EREG: variants seen among roughly 807,000 people sequenced by gnomAD.
The protein encoded by EREG is epiregulin.
EREG carries 23 observed loss-of-function variants against 22.4 expected under a neutral mutation model. That is an observed-to-expected ratio of 1.03 (90% CI 0.74 to 1.46). The LOEUF (loss-of-function observed/expected upper bound fraction) is 1.46, where lower values mean the gene tolerates loss of function less well. Among genes scored for constraint, EREG ranks in the 40% most tolerant of loss-of-function variants. The pLI, the probability that EREG is intolerant of heterozygous loss-of-function variation, is 0.00. For synonymous variants in EREG, 100 were observed against 75.4 expected (o/e 1.33, Z -1.69); for missense variants, 226 against 205.9 (o/e 1.10, Z -0.60).
At chr4:74,382,059 C>T (rs1289495065) in intron 3 of EREG, 1 of 147,504 alleles carries the variant, frequency 6.8e-6, no homozygotes, top group African/African-American at 2.5e-5. Context: ...AACCCCAGCA[C>T]TTTGGGAGGC....
chr4:74,380,204 C>T (rs1309543213), intron 2 of EREG, among the ~76,000 whole-genome samples: 1 of 151,868 alleles, frequency 6.6e-6, no homozygotes, highest in East Asian at 1.9e-4. Context: ...TTGTCCCTCA[C>T]CATCAGGTTC....
At chr4:74,366,194 A>C (rs774039095) in intron 1 of EREG, among the ~76,000 whole-genome samples, 11 of 152,116 alleles carry the variant, frequency 7.2e-5, no homozygotes, top group Non-Finnish European at 1.3e-4. Context: ...CTTCTTTCCA[A>C]TTCCTTAAAC....
intron 1 of EREG, among the ~76,000 whole-genome samples, chr4:74,367,638 A>G (rs531127192): frequency 3.7e-4 from 56 of 152,288 alleles, no homozygotes; most frequent in African/African-American, 1.3e-3. Flanking sequence ...TTTTGAAAAT[A>G]TGAGGAGCAT....
In EREG at chr4:74,382,724, G is replaced by C. The variant is rs1488749008; in HGVS notation, c.358G>C (p.Ala120Pro). The C allele has an allele frequency of 1.9e-6, 3 of 1,613,734 alleles. No homozygotes were observed. Among genetic ancestry groups the C allele is most frequent in the Non-Finnish European group, 2.5e-6 (3 of 1,179,740 alleles). ...VHQPLSKEYV[A>P]LTVILIILFL... ...CCAACCTTTAAGCAAAGAATATGTG[G>C]CTTTGACCGTGATTCTTATTATTTT... The change falls in exon 4 of 5, where the codon GCT (alanine) becomes CCT (proline). Residue 120 changes from alanine (A) to proline (P), a missense_variant. Physicochemically the swap from Ala to Pro is conservative, Grantham distance 27. Transcript: ENST00000244869.
chr4:74,369,237 C>T (rs72859327), intron 1 of EREG, among the ~76,000 whole-genome samples: 3 of 151,800 alleles, frequency 2.0e-5, no homozygotes, highest in African/African-American at 4.8e-5. Flanking sequence ...GATTTTAGTG[C>T]GCCTATCACC....
At chr4:74,366,429 C>T (rs1239048545) in intron 1 of EREG, among the ~76,000 whole-genome samples, 1 of 152,114 alleles carries the variant, frequency 6.6e-6, no homozygotes, top group Non-Finnish European at 1.5e-5. Context: ...ATAATTGAAA[C>T]TTACAAGTCT....
At chr4:74,372,408 A>G (rs940773041) in intron 1 of EREG, among the ~76,000 whole-genome samples, 1 of 152,238 alleles carries the variant, frequency 6.6e-6, no homozygotes, top group African/African-American at 2.4e-5. Context: ...ATAGGCATCT[A>G]CAGAGAATAC....
intron 4 of EREG, 85 bp downstream of exon 4, chr4:74,382,879 A>ATTT (rs201151196): frequency 0.042 from 41,000 of 968,014 alleles, 1,633 homozygotes; most frequent in African/African-American, 0.16. Flanking sequence ...ATATGGATAA[A>ATTT]GTATTAGAGA....
chr4:74,365,460 C>G lies in EREG; in HGVS notation c.67+85C>G, dbSNP rs552793962. 3.6e-6 allele frequency: 4 copies of G among 1,108,006 alleles called. No individual in the cohort carries two copies. In the Admixed American group the frequency reaches 6.4e-5, roughly 18 times the overall value. The allele number at this position is 1,108,006 out of a possible 1,614,324, so 68.6% of individuals were successfully genotyped here. On this transcript the variant is annotated intron_variant, in intron 1 of 4. Coordinates refer to ENST00000244869, the MANE Select transcript of EREG (RefSeq NM_001432.3). ...CTGTGCATTTGTCATTCGACAAGTA[C>G]GGAGTTGTCTCCAGGTTCAAGTGTG...
rs776340744 is a variant in EREG at position 74,386,485 on chromosome 4, A to G, written c.*1677A>G. 3 of 152,278 alleles carry G rather than the reference A, an allele frequency of 2.0e-5. No individual in the cohort carries two copies. The highest frequency in any genetic ancestry group is 4.4e-5 in the Non-Finnish European group (3 of 68,052). 9.4% of individuals were successfully genotyped at this position (152,278 alleles called of 1,614,324 possible). On this transcript the variant is annotated 3_prime_UTR_variant, in exon 5 of 5. Transcript: ENST00000244869. ...TCATATACATATTGTATATATATTC[A>G]TATACAAACATGTATGTATACATGA...
chr4:74,385,116 C>G lies in EREG; in HGVS notation c.*308C>G, dbSNP rs930456677. The G allele has an allele frequency of 3.2e-5, 7 of 216,394 alleles. No homozygotes were observed. Among genetic ancestry groups the G allele is most frequent in the African/African-American group, 1.6e-4 (7 of 43,696 alleles). The allele number at this position is 216,394 out of a possible 1,614,324, so 13.4% of individuals were successfully genotyped here. A position where few individuals can be genotyped will look rare whatever the true frequency, so the allele number is the denominator to read the frequency against. On this transcript the variant is annotated 3_prime_UTR_variant, in exon 5 of 5. Transcript: ENST00000244869. Reference sequence around the variant, plus strand: ...CACAGTGCTTAGAAGTAAGCAATTCCCAGGTCATAGCTCAAGAATTGTTAG... The same window carrying G: ...CACAGTGCTTAGAAGTAAGCAATTCGCAGGTCATAGCTCAAGAATTGTTAG...
chr4:74,377,095 G>T (rs1752394122), intron 1 of EREG, among the ~76,000 whole-genome samples: 2 of 150,134 alleles, frequency 1.3e-5, no homozygotes, highest in Non-Finnish European at 2.9e-5. Context: ...CACATACACT[G>T]CTAAAACCAG....
At chr4:74,369,771 T>G (rs1316242346) in intron 1 of EREG, among the ~76,000 whole-genome samples, 2 of 152,126 alleles carry the variant, frequency 1.3e-5, no homozygotes, top group African/African-American at 4.8e-5. Context: ...AGTTTTTTCT[T>G]TCATACTTTC....
intron 3 of EREG, 54 bp from the exon 4 acceptor site, chr4:74,382,591 C>A (rs1023427030): frequency 1.4e-6 from 2 of 1,430,116 alleles, no homozygotes; most frequent in African/African-American, 1.4e-5. Flanking sequence ...TAATTCATAA[C>A]CATGATTTCC....
chr4:74,365,795 A>AG (rs1011946676), intron 1 of EREG, among the ~76,000 whole-genome samples: 2 of 150,302 alleles, frequency 1.3e-5, no homozygotes, highest in Non-Finnish European at 3.0e-5. Context: ...AATTTTTTGG[A>AG]GGGGGGAAAA....
Position 74,365,257 on chromosome 4 carries a change from G to A in EREG, c.-52G>A. On this transcript the variant is annotated 5_prime_UTR_variant, in exon 1 of 5. Coordinates refer to ENST00000244869, the MANE Select transcript of EREG (RefSeq NM_001432.3). ...GCCCGTCTGCTCCCGCCCTGCCCGTGCACTCTCCGCAGCCGCCCTCCGCCA... is the reference window on the plus strand; with the variant it reads ...GCCCGTCTGCTCCCGCCCTGCCCGTACACTCTCCGCAGCCGCCCTCCGCCA... 3 of 1,462,578 alleles carry A rather than the reference G, an allele frequency of 2.1e-6. No individual in the cohort carries two copies. Among genetic ancestry groups the A allele is most frequent in the Non-Finnish European group, 2.8e-6 (3 of 1,059,578 alleles). 90.6% of individuals were successfully genotyped at this position (1,462,578 alleles called of 1,614,324 possible).
At chr4:74,373,244 A>G (rs183913294) in intron 1 of EREG, among the ~76,000 whole-genome samples, 2 of 152,174 alleles carry the variant, frequency 1.3e-5, no homozygotes, top group Admixed American at 6.5e-5. Context: ...CTTTAAGTAT[A>G]GCATTGTATG....
intron 4 of EREG, 108 bp from the exon 5 acceptor site, chr4:74,384,619 G>C (rs1578824070): frequency 2.2e-6 from 1 of 446,406 alleles, no homozygotes; most frequent in East Asian, 3.5e-5. Flanking sequence ...GTTCAACTTT[G>C]TCATTTTGGA....
chr4:74,380,683 G>C (rs770383310), intron 2 of EREG, among the ~76,000 whole-genome samples: 7 of 152,158 alleles, frequency 4.6e-5, no homozygotes, highest in Non-Finnish European at 1.0e-4. Context: ...GACAAATTTT[G>C]CTTGAAGAAA....
Sources: gnomAD v4.1 joint callset for allele counts (sites outside exome capture counted in the v4.1 genomes callset) on GRCh38, gnomAD v4.1.1 for gene constraint, MANE v1.5 for transcripts, NCBI Gene and HGNC (gene_info 2026-07-23, HGNC 2026-07-21) for gene names.